The following SGCD variants were observed in gnomAD, a reference collection of about 807,000 sequenced individuals.
SGCD encodes delta-sarcoglycan.
In SGCD, 18 loss-of-function variants were observed where a neutral mutation model predicts 36.6. The observed-to-expected ratio is 0.49, with a 90% confidence interval of 0.34 to 0.73. The LOEUF (loss-of-function observed/expected upper bound fraction) is 0.73. Among genes scored for constraint, SGCD ranks in the 30% least tolerant of loss-of-function variants. The pLI, the probability that SGCD is intolerant of heterozygous loss-of-function variation, is 0.01. For synonymous variants in SGCD, 133 were observed against 130.6 expected (o/e 1.02, Z -0.12); for missense variants, 387 against 346.7 (o/e 1.12, Z -0.92).
chr5:155,975,976 A>G (rs1758106254), intron 1 of SGCD, among the ~76,000 whole-genome samples: 1 of 152,074 alleles, frequency 6.6e-6, no homozygotes, highest in African/African-American at 2.4e-5. Context: ...CTAGTAATAG[A>G]GTTTCAAATG....
intron 3 of SGCD, among the ~76,000 whole-genome samples, chr5:156,157,567 C>G (rs956474172): frequency 1.3e-5 from 2 of 151,632 alleles, no homozygotes. Context: ...AGTGTTGAAT[C>G]AAGGGGGGAA....
At chr5:156,680,881 A>G (rs1220615525) in intron 7 of SGCD, among the ~76,000 whole-genome samples, 1 of 152,196 alleles carries the variant, frequency 6.6e-6, no homozygotes, top group African/African-American at 2.4e-5. Flanking sequence ...CTTCATGGGC[A>G]GGAACTGGAG....
chr5:156,162,121 G>T (rs1763100253), intron 3 of SGCD, among the ~76,000 whole-genome samples: 1 of 151,202 alleles, frequency 6.6e-6, no homozygotes, highest in African/African-American at 2.5e-5. Flanking sequence ...GTGGGGGTGG[G>T]GGTGGAGTGG....
intron 1 of SGCD, among the ~76,000 whole-genome samples, chr5:155,980,019 A>T (rs1190706486): frequency 1.3e-5 from 2 of 152,104 alleles, no homozygotes; most frequent in Non-Finnish European, 2.9e-5. Context: ...GCATTTTGAC[A>T]TTAGAAGGGG....
intron 1 of SGCD, among the ~76,000 whole-genome samples, chr5:156,112,062 T>G (rs1761802198): frequency 6.6e-6 from 1 of 152,090 alleles, no homozygotes; most frequent in South Asian, 2.1e-4. Context: ...TTACAAGAGG[T>G]GGATTTTTGT....
the SGCD span, among the ~76,000 whole-genome samples, chr5:155,852,869 A>G: frequency 6.6e-6 from 1 of 152,120 alleles, no homozygotes; most frequent in Non-Finnish European, 1.5e-5. Flanking sequence ...TTGTTCAAGT[A>G]ATAGAGAAAA....
chr5:155,869,769 G>T (rs190721442), upstream of SGCD, among the ~76,000 whole-genome samples: 1 of 152,106 alleles, frequency 6.6e-6, no homozygotes, highest in Admixed American at 6.5e-5. Context: ...GAGAGGCCAA[G>T]GTGGGCGGAT....
chr5:156,432,455 A>C (rs1753065591), intron 3 of SGCD, among the ~76,000 whole-genome samples: 1 of 152,122 alleles, frequency 6.6e-6, no homozygotes, highest in Admixed American at 6.5e-5. Context: ...GTGGGATTTG[A>C]GCTTATCCAA....
chr5:156,006,177 A>C (rs1206869198), intron 1 of SGCD, among the ~76,000 whole-genome samples: 1 of 152,196 alleles, frequency 6.6e-6, no homozygotes, highest in Admixed American at 6.5e-5. Flanking sequence ...ACTGTTGGAA[A>C]GAAGGAACCA....
chr5:156,494,556 G>T (rs1756094951), intron 3 of SGCD, among the ~76,000 whole-genome samples: 1 of 152,086 alleles, frequency 6.6e-6, no homozygotes, highest in Admixed American at 6.6e-5. Flanking sequence ...TCTGAGGCAT[G>T]AATTCATCAG....
chr5:155,876,135 G>A (rs901345702), intron 1 of SGCD, among the ~76,000 whole-genome samples: 5 of 150,226 alleles, frequency 3.3e-5, no homozygotes, highest in African/African-American at 1.2e-4. Context: ...TGCCATGCTG[G>A]TGCGCTGCAC....
intron 1 of SGCD, among the ~76,000 whole-genome samples, chr5:155,966,798 A>G (rs1757909585): frequency 6.6e-6 from 1 of 152,152 alleles, no homozygotes; most frequent in South Asian, 2.1e-4. Context: ...ACTGGCTTGT[A>G]TCAGGTAGCA....
intron 3 of SGCD, among the ~76,000 whole-genome samples, chr5:156,404,819 A>G (rs1290366543): frequency 1.3e-5 from 2 of 152,216 alleles, no homozygotes; most frequent in Non-Finnish European, 2.9e-5. Flanking sequence ...GATGTACATC[A>G]TGGTAGACAG....
chr5:155,994,006 G>C (rs904401217), intron 1 of SGCD, among the ~76,000 whole-genome samples: 7 of 152,166 alleles, frequency 4.6e-5, no homozygotes, highest in Admixed American at 4.6e-4. Context: ...TGGAATGAGA[G>C]ATATTGTAGT....
intron 2 of SGCD, among the ~76,000 whole-genome samples, chr5:156,331,623 T>C (rs1768070440): frequency 1.3e-5 from 2 of 152,194 alleles, no homozygotes; most frequent in African/African-American, 4.8e-5. Context: ...GATCAGACTG[T>C]CTTGTGAGCA....
At chr5:156,423,357 T>G (rs1442126426) in intron 3 of SGCD, among the ~76,000 whole-genome samples, 1 of 64,916 alleles carries the variant, frequency 1.5e-5, no homozygotes, top group Non-Finnish European at 3.1e-5. Flanking sequence ...ATAATTTTAT[T>G]ATAATATATT....
chr5:155,853,816 C>A, the SGCD span, among the ~76,000 whole-genome samples: 2,830 of 152,234 alleles, frequency 0.019, 61 homozygotes, highest in East Asian at 0.13. Flanking sequence ...TCCCCAGGTT[C>A]TTCTCTGTCA....
At chr5:156,347,748 GA>G (rs1380592522) in intron 3 of SGCD, among the ~76,000 whole-genome samples, 1 of 152,112 alleles carries the variant, frequency 6.6e-6, no homozygotes, top group East Asian at 1.9e-4. Flanking sequence ...TGATAACTGT[GA>G]TATTATACCA....
rs527284023 is a variant in SGCD, at chr5:156,157,254, T to G, written c.-44+33235T>G. Among the ~76,000 whole-genome samples, 560 of 151,874 alleles carry G rather than the reference T, an allele frequency of 3.7e-3. 5 individuals carry two copies. Among genetic ancestry groups the G allele is most frequent in the Non-Finnish European group, 6.4e-3 (437 of 68,032 alleles). ...CTATGACAGAACTGGACTCAGTGCT[T>G]TCTTATATATTATCTCATTTAGTCT... On this transcript the variant is annotated intron_variant, in intron 3 of 9. Transcript: ENST00000517913.
Sources: allele counts gnomAD v4.1 joint callset (sites outside exome capture counted in the v4.1 genomes callset), GRCh38; gene constraint gnomAD v4.1.1; transcripts MANE v1.5; gene names NCBI Gene and HGNC (gene_info 2026-07-23, HGNC 2026-07-21).